The following DNMBP variants were observed in gnomAD, a reference collection of about 807,000 sequenced individuals.
The protein encoded by DNMBP is dynamin binding protein.
Under a neutral mutation model 150.0 loss-of-function variants are expected in DNMBP, and 87 were observed. That is an observed-to-expected ratio of 0.58 (90% CI 0.49 to 0.69). The LOEUF (loss-of-function observed/expected upper bound fraction) is 0.69, where lower values mean the gene tolerates loss of function less well. Ranked by LOEUF, DNMBP falls within the 30% of genes least tolerant of loss-of-function variation. DNMBP has a pLI of 0.00. For synonymous variants in DNMBP, 711 were observed against 750.4 expected, an observed-to-expected ratio of 0.95 and a Z score of 0.86; for missense variants, 1,774 against 1,949.0, an observed-to-expected ratio of 0.91 and a Z score of 1.69.
chr10:99,883,927 T>G, intron 15 of DNMBP, 84 bp downstream of exon 15: 4 of 1,343,198 alleles, frequency 3.0e-6, no homozygotes, highest in Non-Finnish European at 4.1e-6. Context: ...TGCTTTTTTT[T>G]CCTGGCCTAG....
chr10:99,994,468 T>TCTAGGCGGGGC, intron 1 of DNMBP, among the ~76,000 whole-genome samples: 1 of 152,170 alleles, frequency 6.6e-6, no homozygotes, highest in East Asian at 1.9e-4. Flanking sequence ...GACAGCAGGC[T>TCTAGGCGGGGC]CTAGGCGGGG....
At chr10:99,929,641 A>C (rs1246684694) in intron 4 of DNMBP, 1 of 692,956 alleles carries the variant, frequency 1.4e-6, no homozygotes, top group East Asian at 2.7e-5. Flanking sequence ...ACGAACTCTG[A>C]GCGCCTCAGG....
At chr10:99,966,061 AG>A (rs1443565971) in intron 3 of DNMBP, among the ~76,000 whole-genome samples, 1 of 152,260 alleles carries the variant, frequency 6.6e-6, no homozygotes, top group Non-Finnish European at 1.5e-5. Flanking sequence ...GTATACAAAA[AG>A]AGAAATTAAA....
chr10:99,886,283 AC>A lies in DNMBP; in HGVS notation c.3618+16del, dbSNP rs777986496. 1 of 1,597,060 alleles carries A rather than the reference AC, an allele frequency of 6.3e-7. No individual in the cohort carries two copies. The highest frequency in any genetic ancestry group is 2.2e-5 in the East Asian group (1 of 44,582). The stretch of plus-strand genomic sequence containing the variant: ...AGGCTATAGATGACCATCCCACTGA[AC>A]AGGTAAGAAACTCACCGAAAGCAGT... On this transcript the variant is annotated intron_variant, in intron 13 of 16. Coordinates refer to ENST00000324109, the MANE Select transcript of DNMBP (RefSeq NM_015221.4).
At chr10:99,881,965 T>C (rs2039374263) in intron 15 of DNMBP, among the ~76,000 whole-genome samples, 1 of 152,136 alleles carries the variant, frequency 6.6e-6, no homozygotes, top group Non-Finnish European at 1.5e-5. Context: ...TCTGGGAAGG[T>C]AGTCAAGTAC....
At chr10:99,983,451 C>G (rs1262983781) in intron 1 of DNMBP, among the ~76,000 whole-genome samples, 3 of 152,200 alleles carry the variant, frequency 2.0e-5, no homozygotes, top group Non-Finnish European at 4.4e-5. Flanking sequence ...AGCACTTCCT[C>G]CTATGGTTTA....
At chr10:99,983,522 C>G (rs1350432490) in intron 1 of DNMBP, among the ~76,000 whole-genome samples, 12 of 152,200 alleles carry the variant, frequency 7.9e-5, no homozygotes, top group Non-Finnish European at 8.8e-5. Context: ...CTCAGAGATT[C>G]TTCAGATAAC....
chr10:99,952,928 C>T (rs78019880), intron 4 of DNMBP, among the ~76,000 whole-genome samples: 2,540 of 152,120 alleles, frequency 0.017, 39 homozygotes, highest in African/African-American at 0.037. Flanking sequence ...ATTCCTAGAC[C>T]CCCTGGGTTG....
intron 11 of DNMBP, among the ~76,000 whole-genome samples, chr10:99,893,671 G>T (rs1481296604): frequency 6.6e-6 from 1 of 152,188 alleles, no homozygotes; most frequent in Non-Finnish European, 1.5e-5. Flanking sequence ...AGGTTGCAGT[G>T]AGCTGAGATT....
At chr10:99,935,844 C>T (rs1311001777) in intron 4 of DNMBP, among the ~76,000 whole-genome samples, 1 of 152,140 alleles carries the variant, frequency 6.6e-6, no homozygotes, top group Non-Finnish European at 1.5e-5. Flanking sequence ...GGATTGCAGG[C>T]GTGAGCCACC....
intron 7 of DNMBP, among the ~76,000 whole-genome samples, chr10:99,899,187 T>A (rs2039702901): frequency 6.6e-6 from 1 of 151,402 alleles, no homozygotes; most frequent in Non-Finnish European, 1.5e-5. Context: ...AGACTCTGTC[T>A]CTCCAAAAAA....
At chr10:99,972,743 TG>T (rs1394659898) in intron 1 of DNMBP, among the ~76,000 whole-genome samples, 1 of 152,192 alleles carries the variant, frequency 6.6e-6, no homozygotes, top group East Asian at 1.9e-4. Context: ...TCTGAGTAGC[TG>T]GAACTACAGG....
Position 99,955,947 on chromosome 10 carries a change from G to C in DNMBP, c.1527C>G (p.His509Gln). Reference protein sequence around the residue: ...LHNLASYTKKHHTSSVYSISE... With the variant: ...LHNLASYTKKQHTSSVYSISE... ...AGATGGAGTAAACACTGGACGTGTGGTGCTTTTTAGTATAACTTGCTAGGT... is the reference window on the plus strand; with the variant it reads ...AGATGGAGTAAACACTGGACGTGTGCTGCTTTTTAGTATAACTTGCTAGGT... Residue 509 changes from histidine to glutamine, a missense_variant, in exon 4 of 17, where the codon CAC (histidine) becomes CAG (glutamine). This residue lies in a region of DNMBP where 1,430 missense variants were observed against 1,492.5 expected (regional missense o/e 0.96). Coordinates refer to ENST00000324109, the MANE Select transcript of DNMBP (RefSeq NM_015221.4). 3 of 1,614,206 alleles carry C rather than the reference G, an allele frequency of 1.9e-6. No individual in the cohort carries two copies. Among genetic ancestry groups the C allele is most frequent in the Non-Finnish European group, 2.5e-6 (3 of 1,180,034 alleles).
Position 99,940,222 on chromosome 10 carries a change from T to C in DNMBP, c.2260+14992A>G, listed in dbSNP as rs573049684. On this transcript the variant is annotated intron_variant, in intron 4 of 16. Transcript: ENST00000324109. ...CATTTATTTGGCACATGCTAGATGCTAGGTAGAGGGCAATCTAGCTTAGAG... is the reference window on the plus strand; with the variant it reads ...CATTTATTTGGCACATGCTAGATGCCAGGTAGAGGGCAATCTAGCTTAGAG... Among the ~76,000 whole-genome samples the C allele has an allele frequency of 5.9e-5, 9 of 152,360 alleles. No homozygotes were observed. The South Asian group carries it at 1.9e-3, about 32-fold the overall frequency.
chr10:99,899,574 C>A (rs2039707462), intron 7 of DNMBP, among the ~76,000 whole-genome samples: 1 of 152,044 alleles, frequency 6.6e-6, no homozygotes, highest in Non-Finnish European at 1.5e-5. Flanking sequence ...TGCATGCTGA[C>A]CTGGGCAATA....
At chr10:99,961,098 G>A (rs534509231) in intron 3 of DNMBP, among the ~76,000 whole-genome samples, 5 of 151,526 alleles carry the variant, frequency 3.3e-5, no homozygotes, top group African/African-American at 9.7e-5. Flanking sequence ...CAAGAGTCTG[G>A]TATGATGCCT....
At chr10:99,978,722 G>A (rs1406608015) in intron 1 of DNMBP, among the ~76,000 whole-genome samples, 3 of 152,050 alleles carry the variant, frequency 2.0e-5, no homozygotes, top group East Asian at 1.9e-4. Context: ...GCGATCACAG[G>A]TGTGTACCAC....
chr10:99,891,506 G>A (rs1339687439), intron 11 of DNMBP, among the ~76,000 whole-genome samples: 1 of 151,996 alleles, frequency 6.6e-6, no homozygotes, highest in Non-Finnish European at 1.5e-5. Flanking sequence ...GTGCAGTGGC[G>A]TGATCTCGGC....
At chr10:99,933,700 A>G (rs2040186752) in intron 4 of DNMBP, among the ~76,000 whole-genome samples, 1 of 152,102 alleles carries the variant, frequency 6.6e-6, no homozygotes, top group Non-Finnish European at 1.5e-5. Flanking sequence ...GGATGGCCTT[A>G]GGGCCAGAGG....
Sources: gnomAD v4.1 joint callset for allele counts (sites outside exome capture counted in the v4.1 genomes callset) on GRCh38, gnomAD v4.1.1 for gene constraint, gnomAD v4.1.1 regional missense constraint, MANE v1.5 for transcripts, NCBI Gene and HGNC (gene_info 2026-07-23, HGNC 2026-07-21) for gene names.